Variants in UXS1 observed in about 807,000 individuals in gnomAD.
UXS1 encodes UDP-glucuronate decarboxylase 1.
A neutral mutation model predicts 62.6 loss-of-function variants in UXS1; 33 were observed. That is an observed-to-expected ratio of 0.53 (90% CI 0.40 to 0.70). UXS1 has a LOEUF of 0.70. UXS1 is among the 30% of genes least tolerant of loss of function. UXS1 has a pLI of 0.00. For missense variants in UXS1, 434 were observed against 556.3 expected (o/e 0.78, Z 2.21); for synonymous variants, 213 against 206.8 (o/e 1.03, Z -0.26).
chr2:106,167,544 AG>A, intron 1 of UXS1, among the ~76,000 whole-genome samples: 1 of 152,140 alleles, frequency 6.6e-6, no homozygotes, highest in Non-Finnish European at 1.5e-5. Flanking sequence ...CCCACTCTCA[AG>A]AAGGGGAATG....
Position 106,112,537 on chromosome 2 carries a change from A to G in UXS1, c.879+109T>C, listed in dbSNP as rs915619083. ...GTGGAGGGTAGCGGGTATACATGGC[A>G]GCTTCAGAAGTGTCACTCCCTGAAC... is the stretch of plus-strand genomic sequence containing the variant. On this transcript the variant is annotated intron_variant, in intron 10 of 14. Transcript: ENST00000283148. 2.7e-6 allele frequency: 4 copies of G among 1,481,008 alleles called. No homozygotes were observed. In the African/African-American group the frequency reaches 5.5e-5, roughly 21 times the overall value. 91.7% of individuals were successfully genotyped at this position (1,481,008 alleles called of 1,614,324 possible).
chr2:106,118,846 A>C (rs1679281764), intron 9 of UXS1, among the ~76,000 whole-genome samples: 2 of 152,222 alleles, frequency 1.3e-5, no homozygotes, highest in Non-Finnish European at 1.5e-5. Flanking sequence ...TCAGAGTAAG[A>C]CATATCCACA....
chr2:106,166,699 CTTTTT>C (rs10659239), intron 1 of UXS1, among the ~76,000 whole-genome samples: 1 of 127,006 alleles, frequency 7.9e-6, no homozygotes, highest in African/African-American at 3.0e-5. Flanking sequence ...GCAGGTGAAG[CTTTTT>C]TTTTTTTTTT....
Position 106,194,186 on chromosome 2 carries a change from T to A in UXS1, c.56A>T (p.Lys19Met). Residue 19 changes from lysine to methionine, a missense_variant, in exon 1 of 15, where the codon AAG becomes ATG. This residue lies in a region of UXS1 where 91 missense variants were observed against 71.1 expected (regional missense o/e 1.28). Transcript: ENST00000283148. ...CAGCAAGGCGATGCCCAGCAGCAGC[T>A]TCATCCTCCTGCGGTTGACGGCAGA... is the stretch of plus-strand genomic sequence containing the variant. ...LVSAVNRRRMKLLLGIALLAY... is the reference protein window; with the variant it reads ...LVSAVNRRRMMLLLGIALLAY... 1 of 1,482,530 alleles carries A rather than the reference T, an allele frequency of 6.7e-7. No individual in the cohort carries two copies. Among genetic ancestry groups the A allele is most frequent in the Non-Finnish European group, 9.0e-7 (1 of 1,114,866 alleles). The allele number at this position is 1,482,530 out of a possible 1,614,324, so 91.8% of individuals were successfully genotyped here. A position where few individuals can be genotyped will look rare whatever the true frequency, so the allele number is the denominator to read the frequency against.
chr2:106,112,615 A>C lies in UXS1; in HGVS notation c.879+31T>G, dbSNP rs760322910. 2.5e-6 allele frequency: 4 copies of C among 1,611,492 alleles called. No individual in the cohort carries two copies. The African/African-American group carries it at 4.0e-5, about 16-fold the overall frequency. ...TGAGCTGACTTCGATTTGGGTTGCA[A>C]GGTGCTCCCTGAGCCGAGGCCAGCA... On this transcript the variant is annotated intron_variant, in intron 10 of 14. Coordinates refer to ENST00000283148, the MANE Select transcript of UXS1 (RefSeq NM_001253875.2).
chr2:106,129,773 G>C lies in UXS1; in HGVS notation c.478C>G (p.Gln160Glu). Residue 160 changes from glutamine (Q) to glutamate (E), a missense_variant, in exon 7 of 15, where the codon CAG (glutamine) becomes GAG (glutamate). By Grantham distance (29) the Gln-to-Glu change is conservative. Coordinates refer to ENST00000283148, the MANE Select transcript of UXS1 (RefSeq NM_001253875.2). ...VVEPLYIEVD[Q>E]IYHLASPASP... Reference sequence around the variant, plus strand: ...GCTGGAGATGCCAGATGGTATATCTGGTCAACTAAAGGAGACAAAACAGAA... The same window carrying C: ...GCTGGAGATGCCAGATGGTATATCTCGTCAACTAAAGGAGACAAAACAGAA... 1.2e-6 allele frequency: 2 copies of C among 1,602,662 alleles called. No individual in the cohort carries two copies. Among genetic ancestry groups the C allele is most frequent in the East Asian group, 2.2e-5 (1 of 44,668 alleles).
intron 1 of UXS1, among the ~76,000 whole-genome samples, chr2:106,173,440 G>A (rs1683686995): frequency 6.6e-6 from 1 of 152,164 alleles, no homozygotes; most frequent in South Asian, 2.1e-4. Flanking sequence ...TGTGGTCCCT[G>A]CTACTCAGGA....
chr2:106,161,551 CGA>C (rs915809800), intron 4 of UXS1, among the ~76,000 whole-genome samples: 3 of 152,116 alleles, frequency 2.0e-5, no homozygotes, highest in Non-Finnish European at 4.4e-5. Context: ...CATTCCTAAG[CGA>C]GAGAGAAACC....
At chr2:106,103,433 A>C (rs1352048098) in intron 11 of UXS1, among the ~76,000 whole-genome samples, 1 of 152,172 alleles carries the variant, frequency 6.6e-6, no homozygotes, top group Non-Finnish European at 1.5e-5. Context: ...AGAAAAGGGC[A>C]CAGCTGGGTG....
In UXS1 at chr2:106,093,856, G is replaced by T; in HGVS notation, c.*170C>A. 1 of 915,942 alleles carries T rather than the reference G, an allele frequency of 1.1e-6. No homozygotes were observed. Among genetic ancestry groups the T allele is most frequent in the African/African-American group, 1.7e-5 (1 of 57,376 alleles). 56.7% of individuals were successfully genotyped at this position (915,942 alleles called of 1,614,324 possible). On this transcript the variant is annotated 3_prime_UTR_variant, in exon 15 of 15. Transcript: ENST00000283148. ...TGCAAGGCAAAATCTGCAGTTTTTT[G>T]AGGGGAGCTTTTAGGCACATCCATT...
intron 1 of UXS1, among the ~76,000 whole-genome samples, chr2:106,168,999 CT>C (rs1683378021): frequency 6.6e-6 from 1 of 152,118 alleles, no homozygotes; most frequent in East Asian, 1.9e-4. Flanking sequence ...AGTTTAGTTA[CT>C]TTTAAAAAAG....
intron 12 of UXS1, 186 bp downstream of exon 12, chr2:106,100,872 T>C: frequency 1.4e-6 from 1 of 710,080 alleles, no homozygotes; most frequent in Non-Finnish European, 2.3e-6. Flanking sequence ...GCCTTGCAGA[T>C]GTTTTACTTC....
chr2:106,104,677 A>T, intron 11 of UXS1, 117 bp downstream of exon 11: 1 of 1,277,730 alleles, frequency 7.8e-7, no homozygotes. Context: ...TAATCAATAT[A>T]TAGTGTTAGC....
rs1573389055 is a variant in UXS1, at chr2:106,098,830, C to A, written c.985-57G>T. 8 of 1,513,944 alleles carry A rather than the reference C, an allele frequency of 5.3e-6. No homozygotes were observed. In the East Asian group the frequency reaches 1.1e-4, roughly 22 times the overall value. The allele number at this position is 1,513,944 out of a possible 1,614,324, so 93.8% of individuals were successfully genotyped here. On this transcript the variant is annotated intron_variant, in intron 12 of 14. Coordinates refer to ENST00000283148, the MANE Select transcript of UXS1 (RefSeq NM_001253875.2). ...TCATGACAACAGCAGCAATCCACCA[C>A]CCAGACCACAGGCGTGTCTGCAGAG...
intron 1 of UXS1, among the ~76,000 whole-genome samples, chr2:106,179,923 T>C (rs182346023): frequency 2.1e-3 from 326 of 152,176 alleles, no homozygotes; most frequent in African/African-American, 7.5e-3. Context: ...CTGGCCAACA[T>C]GGTGAAACCC....
intron 6 of UXS1, among the ~76,000 whole-genome samples, chr2:106,137,691 A>C (rs1013172554): frequency 6.6e-6 from 1 of 152,050 alleles, no homozygotes; most frequent in Non-Finnish European, 1.5e-5. Flanking sequence ...GCTACTTGGG[A>C]AGGTGAGGCA....
intron 1 of UXS1, among the ~76,000 whole-genome samples, chr2:106,182,446 C>T (rs1187395043): frequency 6.6e-6 from 1 of 152,186 alleles, no homozygotes; most frequent in Non-Finnish European, 1.5e-5. Context: ...TCTAGCTTTT[C>T]CACATTGAGC....
intron 6 of UXS1, among the ~76,000 whole-genome samples, chr2:106,136,656 G>T (rs1419245959): frequency 2.0e-5 from 1 of 51,148 alleles, no homozygotes; most frequent in African/African-American, 8.0e-5. Flanking sequence ...GTAAACTATC[G>T]CAAGAACAAA....
At chr2:106,159,859 GCTTT>G (rs1355035388) in intron 4 of UXS1, 1 of 152,206 alleles carries the variant, frequency 6.6e-6, no homozygotes, top group Non-Finnish European at 1.5e-5. Context: ...GAGTGAAAGG[GCTTT>G]CTATTACAAT....
Sources: gnomAD v4.1 joint callset for allele counts (sites outside exome capture counted in the v4.1 genomes callset) on GRCh38, gnomAD v4.1.1 for gene constraint, gnomAD v4.1.1 regional missense constraint, MANE v1.5 for transcripts, NCBI Gene and HGNC (gene_info 2026-07-23, HGNC 2026-07-21) for gene names.